The following UNC13C variants were observed in gnomAD, a reference collection of about 807,000 sequenced individuals.
The protein encoded by UNC13C is unc-13 homolog C.
Under a neutral mutation model 245.4 loss-of-function variants are expected in UNC13C, and 174 were observed. The observed-to-expected ratio is 0.71, with a 90% CI of 0.63 to 0.80. The LOEUF (loss-of-function observed/expected upper bound fraction) is 0.80, where lower values mean the gene tolerates loss of function less well. Ranked by LOEUF, UNC13C falls within the 30% of genes least tolerant of loss-of-function variation. UNC13C has a pLI of 0.00. For synonymous variants in UNC13C, 992 were observed against 895.1 expected, an observed-to-expected ratio of 1.11 and a Z score of -1.93; for missense variants, 2,829 against 2,602.9, an observed-to-expected ratio of 1.09 and a Z score of -1.89.
At chr15:54,147,781 G>GGTGTGTGCGTGT (rs1555423220) in intron 4 of UNC13C, among the ~76,000 whole-genome samples, 2 of 24,552 alleles carry the variant, frequency 8.1e-5, no homozygotes, top group Non-Finnish European at 2.6e-4. Flanking sequence ...AGCATTGCAA[G>GGTGTGTGCGTGT]GTGTGTGCGT....
At chr15:54,586,556 CTT>C (rs1296193855) in intron 30 of UNC13C, among the ~76,000 whole-genome samples, 2 of 152,182 alleles carry the variant, frequency 1.3e-5, no homozygotes, top group Admixed American at 1.3e-4. Context: ...CCTTAATTAA[CTT>C]TTTAAAGGCC....
chr15:54,309,038 A>G (rs1003447938), intron 13 of UNC13C, among the ~76,000 whole-genome samples: 3 of 151,816 alleles, frequency 2.0e-5, no homozygotes, highest in Admixed American at 2.0e-4. Flanking sequence ...GAAATAATAG[A>G]TTATATAATA....
intron 10 of UNC13C, among the ~76,000 whole-genome samples, chr15:54,270,355 G>T (rs1403828894): frequency 2.0e-5 from 3 of 152,080 alleles, no homozygotes; most frequent in African/African-American, 7.2e-5. Flanking sequence ...CTGACATTCT[G>T]AAAATAAGAT....
chr15:54,292,595 T>C (rs1377529103), intron 10 of UNC13C, among the ~76,000 whole-genome samples: 4 of 151,966 alleles, frequency 2.6e-5, no homozygotes, highest in Admixed American at 2.0e-4. Context: ...TTTTGCACCA[T>C]GAACCTGTTG....
chr15:54,582,565 C>CAGAAT (rs1311665803), intron 30 of UNC13C, among the ~76,000 whole-genome samples: 1 of 152,154 alleles, frequency 6.6e-6, no homozygotes, highest in South Asian at 2.1e-4. Context: ...AGCAAAGGCC[C>CAGAAT]AGAATGAGGG....
intron 19 of UNC13C, among the ~76,000 whole-genome samples, chr15:54,481,619 C>A (rs1893123762): frequency 1.3e-5 from 2 of 152,066 alleles, no homozygotes; most frequent in Admixed American, 1.3e-4. Flanking sequence ...CTCAAAATAG[C>A]AGAATGCTGC....
intron 10 of UNC13C, among the ~76,000 whole-genome samples, chr15:54,279,152 T>C (rs1183628584): frequency 1.3e-5 from 2 of 152,124 alleles, no homozygotes; most frequent in Non-Finnish European, 2.9e-5. Flanking sequence ...GCCAAGTGTT[T>C]TGTGGTATTT....
chr15:54,121,323 G>A (rs1259872145), intron 2 of UNC13C, among the ~76,000 whole-genome samples: 3 of 152,132 alleles, frequency 2.0e-5, no homozygotes, highest in Admixed American at 2.0e-4. Flanking sequence ...AGGCTCAGAC[G>A]ATTGTTAGTA....
chr15:54,326,863 C>T (rs2038311254), intron 14 of UNC13C, among the ~76,000 whole-genome samples: 1 of 151,990 alleles, frequency 6.6e-6, no homozygotes, highest in Non-Finnish European at 1.5e-5. Context: ...AGTAAATTTT[C>T]AGGAATATTG....
chr15:54,431,006 G>T (rs989977274), intron 19 of UNC13C, among the ~76,000 whole-genome samples: 3 of 151,768 alleles, frequency 2.0e-5, no homozygotes, highest in African/African-American at 4.8e-5. Flanking sequence ...TACACCCAAA[G>T]CAGTTACATT....
chr15:54,463,261 TGGGCGGGGGGG>T (rs1315654923), intron 19 of UNC13C, among the ~76,000 whole-genome samples: 1 of 476 alleles, frequency 2.1e-3, no homozygotes, highest in Non-Finnish European at 0.011. Flanking sequence ...CAGTAGAATG[TGGGCGGGGGGG>T]GGGGGGGGGG....
At chr15:53,966,075 T>C in the UNC13C span, among the ~76,000 whole-genome samples, 1 of 152,200 alleles carries the variant, frequency 6.6e-6, no homozygotes, top group Admixed American at 6.5e-5. Context: ...CCTTTTTTTA[T>C]TCTTCTGAAA....
In UNC13C at chr15:54,477,792, C is replaced by T. The variant is rs935651809; in HGVS notation, c.4934-16816C>T. The stretch of plus-strand genomic sequence containing the variant: ...TCTCTTTTTTGGTTGTGTCTCTGCC[C>T]GGCTTTGGTATCAGGATGATGCTGG... On this transcript the variant is annotated intron_variant, in intron 19 of 32. Transcript: ENST00000260323. Among the ~76,000 whole-genome samples, 92 of 142,042 alleles carry T rather than the reference C, an allele frequency of 6.5e-4. 3 individuals are homozygous for T. The East Asian group carries it at 0.017, about 25-fold the overall frequency. 93.2% of individuals were successfully genotyped at this position (142,042 alleles called of 152,430 possible).
intron 26 of UNC13C, among the ~76,000 whole-genome samples, chr15:54,542,785 G>A (rs1378125358): frequency 6.6e-6 from 1 of 151,988 alleles, no homozygotes; most frequent in Non-Finnish European, 1.5e-5. Context: ...ATCTTTGTTG[G>A]TTTAAAGTCT....
intron 28 of UNC13C, among the ~76,000 whole-genome samples, chr15:54,553,268 T>C (rs1308850772): frequency 2.7e-5 from 3 of 110,658 alleles, no homozygotes; most frequent in Non-Finnish European, 5.2e-5. Context: ...TTGTATTCTA[T>C]ATTACAATAT....
intron 4 of UNC13C, among the ~76,000 whole-genome samples, chr15:54,219,228 A>G (rs2140776174): frequency 6.6e-6 from 1 of 151,792 alleles, no homozygotes; most frequent in East Asian, 1.9e-4. Context: ...CCAAAACAGC[A>G]TGGTACTGGT....
chr15:53,855,679 G>A, the UNC13C span, among the ~76,000 whole-genome samples: 1 of 152,162 alleles, frequency 6.6e-6, no homozygotes, highest in Non-Finnish European at 1.5e-5. Flanking sequence ...TGTGCTGCTG[G>A]ATTCGATTTG....
At chr15:54,583,099 GC>G (rs1218394402) in intron 30 of UNC13C, among the ~76,000 whole-genome samples, 3 of 152,088 alleles carry the variant, frequency 2.0e-5, no homozygotes, top group Non-Finnish European at 1.5e-5. Context: ...AACTGATGGT[GC>G]TGGTTTAGGA....
intron 4 of UNC13C, among the ~76,000 whole-genome samples, chr15:54,195,876 T>G (rs2034337097): frequency 6.6e-6 from 1 of 152,158 alleles, no homozygotes; most frequent in Non-Finnish European, 1.5e-5. Context: ...AGCTGGTATA[T>G]TAATTTAAAT....
Sources: allele counts gnomAD v4.1 joint callset (sites outside exome capture counted in the v4.1 genomes callset), GRCh38; gene constraint gnomAD v4.1.1; transcripts MANE v1.5; gene names NCBI Gene and HGNC (gene_info 2026-07-23, HGNC 2026-07-21).